KCNIP4: variants seen among roughly 807,000 people sequenced by gnomAD.
KCNIP4 encodes the protein Kv channel-interacting protein 4.
Under a neutral mutation model 34.0 loss-of-function variants are expected in KCNIP4, and 12 were observed. The ratio of observed to expected loss-of-function variants is 0.35; its 90% CI spans 0.23 to 0.57. The LOEUF (loss-of-function observed/expected upper bound fraction) is 0.57, where lower values mean the gene tolerates loss of function less well. Among genes scored for constraint, KCNIP4 ranks in the 20% least tolerant of loss-of-function variants. The pLI is 0.83. For missense variants in KCNIP4, 238 were observed against 311.7 expected, an observed-to-expected ratio of 0.76 and a Z score of 1.78; for synonymous variants, 124 against 102.2, an observed-to-expected ratio of 1.21 and a Z score of -1.29.
At chr4:21,761,034 C>T (rs143951251) in intron 1 of KCNIP4, among the ~76,000 whole-genome samples, 1,766 of 152,216 alleles carry the variant, frequency 0.012, 22 homozygotes, top group South Asian at 0.039. Flanking sequence ...CTTGTAAAAA[C>T]TGACTATAAG....
intron 1 of KCNIP4, among the ~76,000 whole-genome samples, chr4:21,934,160 T>C (rs1386243024): frequency 6.6e-6 from 1 of 152,016 alleles, no homozygotes; most frequent in Non-Finnish European, 1.5e-5. Flanking sequence ...TATGAGCAGC[T>C]ATGCAAATGC....
chr4:21,910,713 G>C (rs186589441), intron 1 of KCNIP4, among the ~76,000 whole-genome samples: 16 of 152,286 alleles, frequency 1.1e-4, no homozygotes, highest in African/African-American at 3.6e-4. Context: ...TCTGAGTTAA[G>C]AGGCAAATGA....
intron 1 of KCNIP4, among the ~76,000 whole-genome samples, chr4:21,025,543 G>GTTT (rs772689134): frequency 0.012 from 431 of 34,782 alleles, 134 homozygotes; most frequent in African/African-American, 0.03. Flanking sequence ...CATTGATACT[G>GTTT]TTTTTTTTTT....
chr4:21,274,521 A>G (rs1195097120), intron 1 of KCNIP4, among the ~76,000 whole-genome samples: 2 of 152,232 alleles, frequency 1.3e-5, no homozygotes, highest in Admixed American at 6.5e-5. Flanking sequence ...AGAAGGTCAT[A>G]TATCTAAAAG....
intron 1 of KCNIP4, among the ~76,000 whole-genome samples, chr4:21,903,079 C>G (rs1216874744): frequency 1.3e-5 from 2 of 152,128 alleles, no homozygotes; most frequent in Non-Finnish European, 2.9e-5. Flanking sequence ...CATTTACATC[C>G]TACTTTATCA....
chr4:21,733,666 G>A (rs1715775043), intron 1 of KCNIP4, among the ~76,000 whole-genome samples: 1 of 152,158 alleles, frequency 6.6e-6, no homozygotes, highest in African/African-American at 2.4e-5. Context: ...AAGTACCCGA[G>A]CGAGAAAACA....
intron 1 of KCNIP4, among the ~76,000 whole-genome samples, chr4:21,928,231 C>A (rs1287990309): frequency 1.3e-5 from 2 of 151,928 alleles, no homozygotes; most frequent in Admixed American, 1.3e-4. Flanking sequence ...TCAGCTTGGG[C>A]TAGCAAGACC....
At chr4:20,887,534 A>G (rs931630128) in intron 1 of KCNIP4, among the ~76,000 whole-genome samples, 1 of 152,130 alleles carries the variant, frequency 6.6e-6, no homozygotes, top group Non-Finnish European at 1.5e-5. Context: ...AGGGTCAAAT[A>G]ATGTAAGAAT....
At chr4:20,878,226 T>C (rs1724276720) in intron 2 of KCNIP4, among the ~76,000 whole-genome samples, 1 of 152,186 alleles carries the variant, frequency 6.6e-6, no homozygotes, top group South Asian at 2.1e-4. Flanking sequence ...GAGTTCATAC[T>C]TGTCATTGAT....
At chr4:21,536,533 CT>C (rs1331625090) in intron 1 of KCNIP4, among the ~76,000 whole-genome samples, 1 of 152,116 alleles carries the variant, frequency 6.6e-6, no homozygotes, top group Non-Finnish European at 1.5e-5. Context: ...AATCTCAGCA[CT>C]TTGGGAGGCC....
At chr4:21,172,213 G>A (rs1388573331) in intron 1 of KCNIP4, among the ~76,000 whole-genome samples, 2 of 152,016 alleles carry the variant, frequency 1.3e-5, no homozygotes, top group African/African-American at 4.8e-5. Flanking sequence ...TGTATTTTTA[G>A]TAGAGAAGGG....
chr4:20,836,025 C>T (rs1718997140), intron 3 of KCNIP4, among the ~76,000 whole-genome samples: 1 of 152,064 alleles, frequency 6.6e-6, no homozygotes, highest in Admixed American at 6.5e-5. Flanking sequence ...TCTTCTTTAC[C>T]CATTCTTTAT....
intron 1 of KCNIP4, among the ~76,000 whole-genome samples, chr4:21,204,077 A>G (rs1226153255): frequency 6.6e-6 from 1 of 152,200 alleles, no homozygotes; most frequent in East Asian, 1.9e-4. Context: ...AATGTGCCCC[A>G]GTCGGTACTT....
At chr4:21,415,889 T>C (rs183575546) in intron 1 of KCNIP4, among the ~76,000 whole-genome samples, 132 of 151,776 alleles carry the variant, frequency 8.7e-4, no homozygotes, top group Middle Eastern at 3.4e-3. Flanking sequence ...GAAGAGGAGA[T>C]GGGTGGGAAA....
intron 3 of KCNIP4, among the ~76,000 whole-genome samples, chr4:20,835,959 A>T (rs1718988030): frequency 6.6e-6 from 1 of 152,182 alleles, no homozygotes; most frequent in South Asian, 2.1e-4. Context: ...TTGTATCTCA[A>T]CAATTAAAAT....
rs983190713 is a variant in KCNIP4 at position 21,684,125 on chromosome 4, TA to T, written c.61+264445del. ...GTACCTCCAAACCTAAAATAAAAGT[TA>T]AAAAAAATAAATCTGTAAAGCACAT... On this transcript the variant is annotated intron_variant, in intron 1 of 8. Coordinates refer to ENST00000382152, the MANE Select transcript of KCNIP4 (RefSeq NM_025221.6). Among the ~76,000 whole-genome samples, 23 of 151,816 alleles carry T rather than the reference TA, an allele frequency of 1.5e-4. No homozygotes were observed. In the Middle Eastern group the frequency reaches 0.01, roughly 67 times the overall value.
chr4:21,899,047 G>A (rs1343200860), intron 1 of KCNIP4, among the ~76,000 whole-genome samples: 1 of 152,172 alleles, frequency 6.6e-6, no homozygotes, highest in East Asian at 1.9e-4. Flanking sequence ...ATTTGTGTCA[G>A]CTTAGTCACA....
intron 1 of KCNIP4, among the ~76,000 whole-genome samples, chr4:21,379,557 A>T (rs1721287389): frequency 6.6e-6 from 1 of 152,144 alleles, no homozygotes; most frequent in African/African-American, 2.4e-5. Context: ...CTGTAAATGA[A>T]ATTCTCTCTC....
intron 1 of KCNIP4, among the ~76,000 whole-genome samples, chr4:21,685,411 T>G (rs866693684): frequency 3.3e-5 from 5 of 152,140 alleles, no homozygotes; most frequent in Non-Finnish European, 5.9e-5. Context: ...TTGTCCAAGG[T>G]CACCTGCTAA....
Sources: gnomAD v4.1 joint callset for allele counts (sites outside exome capture counted in the v4.1 genomes callset) on GRCh38, gnomAD v4.1.1 for gene constraint, MANE v1.5 for transcripts, NCBI Gene and HGNC (gene_info 2026-07-23, HGNC 2026-07-21) for gene names.